Variants in ANKRD17 observed in about 807,000 individuals in gnomAD.
ANKRD17 encodes the protein ankyrin repeat domain 17.
A neutral mutation model predicts 229.7 loss-of-function variants in ANKRD17; 19 were observed. The ratio of observed to expected loss-of-function variants is 0.08; its 90% CI spans 0.06 to 0.12. The LOEUF is 0.12. Ranked by LOEUF, ANKRD17 falls within the 10% of genes least tolerant of loss-of-function variation. The pLI, the probability that ANKRD17 is intolerant of heterozygous loss-of-function variation, is 1.00. For missense variants in ANKRD17, 2,176 were observed against 3,176.8 expected (o/e 0.68, Z 7.57); for synonymous variants, 1,112 against 1,146.1 (o/e 0.97, Z 0.60).
intron 1 of ANKRD17, among the ~76,000 whole-genome samples, chr4:73,248,473 G>C (rs1013182020): frequency 2.6e-5 from 4 of 151,944 alleles, no homozygotes; most frequent in African/African-American, 9.7e-5. Flanking sequence ...TAAATTTTAT[G>C]AATCTAGAAA....
intron 1 of ANKRD17, among the ~76,000 whole-genome samples, chr4:73,247,389 G>A (rs1195663081): frequency 6.6e-6 from 1 of 151,992 alleles, no homozygotes; most frequent in Non-Finnish European, 1.5e-5. Context: ...CAAAGAAATA[G>A]TTTCATACTC....
At chr4:73,081,526 T>C (rs896362369) in intron 30 of ANKRD17, among the ~76,000 whole-genome samples, 25 of 152,208 alleles carry the variant, frequency 1.6e-4, no homozygotes, top group African/African-American at 6.0e-4. Flanking sequence ...CTAATTATTA[T>C]AATTACTTCA....
At chr4:73,210,234 A>T (rs1007340992) in intron 1 of ANKRD17, among the ~76,000 whole-genome samples, 1 of 152,162 alleles carries the variant, frequency 6.6e-6, no homozygotes, top group East Asian at 1.9e-4. Context: ...AATAAAAAAA[A>T]CCCTAGTAGA....
At chr4:73,200,554 T>C (rs1738526904) in intron 1 of ANKRD17, among the ~76,000 whole-genome samples, 1 of 152,056 alleles carries the variant, frequency 6.6e-6, no homozygotes. Context: ...TAATACCAGG[T>C]GAAGGTTAAA....
chr4:73,244,975 G>C (rs1744362288), intron 1 of ANKRD17, among the ~76,000 whole-genome samples: 1 of 152,036 alleles, frequency 6.6e-6, no homozygotes, highest in Non-Finnish European at 1.5e-5. Flanking sequence ...CAACAAGAAA[G>C]ATCAATTCAC....
At chr4:73,243,627 A>C (rs1027596578) in intron 1 of ANKRD17, among the ~76,000 whole-genome samples, 6 of 152,214 alleles carry the variant, frequency 3.9e-5, no homozygotes, top group Admixed American at 3.9e-4. Context: ...TTTGGTAGTC[A>C]TAAGGACAAT....
Position 73,161,885 on chromosome 4 carries a change from A to G in ANKRD17, c.548-537T>C, listed in dbSNP as rs551009867. Among the ~76,000 whole-genome samples, 331 of 151,852 alleles carry G rather than the reference A, an allele frequency of 2.2e-3. 4 individuals carry two copies. Among genetic ancestry groups the G allele is most frequent in the African/African-American group, 7.5e-3 (312 of 41,396 alleles). On this transcript the variant is annotated intron_variant, in intron 2 of 33. Coordinates refer to ENST00000358602, the MANE Select transcript of ANKRD17 (RefSeq NM_032217.5). ...ATTTTATTTTTTTTAATTTATATAT[A>G]TTTCTTTTCGAGACAGGGTCTTATT... is the stretch of plus-strand genomic sequence containing the variant.
At chr4:73,159,096 T>C (rs1732161941) in intron 3 of ANKRD17, among the ~76,000 whole-genome samples, 1 of 152,252 alleles carries the variant, frequency 6.6e-6, no homozygotes, top group Admixed American at 6.5e-5. Context: ...TTTATTTACA[T>C]GTTAATTGTA....
rs1745733410 is a variant in ANKRD17, at chr4:73,258,779, C to A, written c.-111G>T. 7.5e-7 allele frequency: 1 copy of A among 1,331,048 alleles called. No homozygotes were observed. The highest frequency in any genetic ancestry group is 9.5e-7 in the Non-Finnish European group (1 of 1,047,496). The allele number at this position is 1,331,048 out of a possible 1,614,324, so 82.5% of individuals were successfully genotyped here. A position where few individuals can be genotyped will look rare whatever the true frequency, so the allele number is the denominator to read the frequency against. On this transcript the variant is annotated 5_prime_UTR_variant, in exon 1 of 34. Coordinates refer to ENST00000358602, the MANE Select transcript of ANKRD17 (RefSeq NM_032217.5). ...GCAATCGGTGCCGCCTCCGCCGCCA[C>A]CGCCTCGGTCACCTCTACTGCCGCC...
intron 10 of ANKRD17, among the ~76,000 whole-genome samples, chr4:73,145,664 T>C (rs1170659387): frequency 2.6e-5 from 4 of 152,210 alleles, no homozygotes; most frequent in Non-Finnish European, 4.4e-5. Context: ...TTCAGAGCCA[T>C]TGTGGCAAAC....
intron 24 of ANKRD17, chr4:73,104,145 C>T (rs1302959051): frequency 2.6e-5 from 4 of 152,228 alleles, no homozygotes; most frequent in Non-Finnish European, 5.9e-5. Context: ...AAACTGCCTG[C>T]ATCGTAACCC....
intron 23 of ANKRD17, 81 bp from the exon 24 acceptor site, chr4:73,113,989 A>C (rs764257544): frequency 9.1e-6 from 9 of 985,522 alleles, no homozygotes; most frequent in African/African-American, 1.6e-5. Flanking sequence ...GAAGATCTTT[A>C]GTAAGGTACT....
At chr4:73,145,010 AC>A (rs1730073428) in intron 10 of ANKRD17, among the ~76,000 whole-genome samples, 178 bp from the exon 11 acceptor site, 1 of 152,164 alleles carries the variant, frequency 6.6e-6, no homozygotes, top group Non-Finnish European at 1.5e-5. Context: ...CAAATCATAA[AC>A]ATGTTCTATG....
At chr4:73,114,319 C>T (rs1025998904) in intron 23 of ANKRD17, among the ~76,000 whole-genome samples, 3 of 152,154 alleles carry the variant, frequency 2.0e-5, no homozygotes, top group African/African-American at 4.8e-5. Flanking sequence ...AGCTTTGTTG[C>T]TCCAATTTTG....
chr4:73,099,700 T>C (rs1723731810), intron 25 of ANKRD17, among the ~76,000 whole-genome samples: 2 of 152,206 alleles, frequency 1.3e-5, no homozygotes, highest in African/African-American at 4.8e-5. Flanking sequence ...TTTGTCACTA[T>C]GTGGGGTTCA....
chr4:73,214,831 G>A (rs1740788638), intron 1 of ANKRD17, among the ~76,000 whole-genome samples: 1 of 134,202 alleles, frequency 7.5e-6, no homozygotes. Flanking sequence ...CCAACAGAGT[G>A]AGATTTCGTC....
chr4:73,120,832 T>G, intron 20 of ANKRD17, 49 bp downstream of exon 20: 1 of 1,534,818 alleles, frequency 6.5e-7, no homozygotes, highest in Non-Finnish European at 8.9e-7. Context: ...CTATATATCT[T>G]AAATATCAAA....
chr4:73,077,290 C>G (rs1275601351), intron 32 of ANKRD17, 65 bp downstream of exon 32: 8 of 1,474,916 alleles, frequency 5.4e-6, no homozygotes, highest in African/African-American at 1.4e-5. Context: ...CATATGCCTA[C>G]TATATTCAAA....
chr4:73,226,389 G>GTTTTTTTTTTTTT (rs1157719883), intron 1 of ANKRD17, among the ~76,000 whole-genome samples: 6 of 87,612 alleles, frequency 6.8e-5, no homozygotes, highest in East Asian at 3.7e-4. Context: ...CTTTTCTTCT[G>GTTTTTTTTTTTTT]TTTTTTTTTT....
Sources: allele counts gnomAD v4.1 joint callset (sites outside exome capture counted in the v4.1 genomes callset), GRCh38; gene constraint gnomAD v4.1.1; transcripts MANE v1.5; gene names NCBI Gene and HGNC (gene_info 2026-07-23, HGNC 2026-07-21).